The following ARHGEF33 variants were observed in gnomAD, a reference collection of about 807,000 sequenced individuals.
ARHGEF33 encodes Rho guanine nucleotide exchange factor 33.
Under a neutral mutation model 101.9 loss-of-function variants are expected in ARHGEF33, and 72 were observed. The observed-to-expected ratio is 0.71, with a 90% CI of 0.58 to 0.86. ARHGEF33 has a LOEUF of 0.86. Among genes scored for constraint, ARHGEF33 ranks in the 40% least tolerant of loss-of-function variants. The pLI is 0.00. For missense variants in ARHGEF33, 1,169 were observed against 1,111.3 expected, an observed-to-expected ratio of 1.05 and a Z score of -0.74; for synonymous variants, 499 against 442.5, an observed-to-expected ratio of 1.13 and a Z score of -1.60.
At chr2:38,930,273 A>T (rs1466894444) in intron 6 of ARHGEF33, among the ~76,000 whole-genome samples, 1 of 152,174 alleles carries the variant, frequency 6.6e-6, no homozygotes, top group Non-Finnish European at 1.5e-5. Flanking sequence ...ACTAGGTTGA[A>T]TCAAGTAAAG....
At chr2:38,958,560 A>G (rs1006858528) in intron 15 of ARHGEF33, among the ~76,000 whole-genome samples, 1 of 152,344 alleles carries the variant, frequency 6.6e-6, no homozygotes, top group Middle Eastern at 3.4e-3. Context: ...CGTATGGAAA[A>G]TAAAACCCCC....
chr2:38,949,676 G>A (rs1337675532), intron 10 of ARHGEF33, among the ~76,000 whole-genome samples: 3 of 152,182 alleles, frequency 2.0e-5, no homozygotes, highest in South Asian at 2.1e-4. Flanking sequence ...GTGTTAGGCC[G>A]TTCTCACATT....
At chr2:38,901,735 A>G (rs1666244387) in intron 2 of ARHGEF33, among the ~76,000 whole-genome samples, 2 of 152,206 alleles carry the variant, frequency 1.3e-5, no homozygotes, top group South Asian at 4.1e-4. Flanking sequence ...TCCCAAGGTC[A>G]ATCAGCTATT....
intron 14 of ARHGEF33, among the ~76,000 whole-genome samples, chr2:38,957,570 G>A (rs1374556419): frequency 6.6e-6 from 1 of 152,200 alleles, no homozygotes; most frequent in South Asian, 2.1e-4. Flanking sequence ...AAATAAGGGA[G>A]AGGAATTTCA....
intron 11 of ARHGEF33, among the ~76,000 whole-genome samples, chr2:38,952,687 AT>A (rs1253934384): frequency 1.3e-5 from 2 of 151,524 alleles, no homozygotes; most frequent in African/African-American, 2.4e-5. Flanking sequence ...TAAAACCAAA[AT>A]TTTTTTTAAG....
At position 38,912,168 on chromosome 2, in the gene ARHGEF33, G is replaced by A. The variant is rs144023483; in HGVS notation, c.-85-7195G>A. Among the ~76,000 whole-genome samples, 348 of 152,370 alleles carry A rather than the reference G, an allele frequency of 2.3e-3. 1 individual carries two copies. The highest frequency in any genetic ancestry group is 3.7e-3 in the Admixed American group (57 of 15,308). The stretch of plus-strand genomic sequence containing the variant: ...CCTGAATGGGTGTTTTTAGAGGTTA[G>A]CACTGCAACTGTAGAGACAGAAAGA... On this transcript the variant is annotated intron_variant, in intron 2 of 17. Coordinates refer to ENST00000409978, the MANE Select transcript of ARHGEF33 (RefSeq NM_001145451.5).
rs751091752 is a variant in ARHGEF33 at position 38,960,054 on chromosome 2, T to C, written c.1749T>C (p.Ser583=). 2.6e-6 allele frequency: 4 copies of C among 1,542,344 alleles called. No homozygotes were observed. In the African/African-American group the frequency reaches 5.5e-5, roughly 21 times the overall value. ...TCCCGGAGATGGACTTCGAGTCCTC[T>C]CCGGCGGAGCCGCTGGGCAACGTGG... ...QAIPEMDFES[S]PAEPLGNVER... The change falls in exon 16 of 18, where the codon TCT becomes TCC. Residue 583 remains serine, a synonymous_variant. Transcript: ENST00000409978.
At chr2:38,964,944 C>T (rs904865914) in intron 16 of ARHGEF33, among the ~76,000 whole-genome samples, 6 of 152,176 alleles carry the variant, frequency 3.9e-5, no homozygotes, top group Middle Eastern at 3.4e-3. Flanking sequence ...CTTTAAGAAA[C>T]ACTGCATGTC....
chr2:38,893,366 G>A (rs1243754577), intron 1 of ARHGEF33, among the ~76,000 whole-genome samples: 3 of 151,970 alleles, frequency 2.0e-5, no homozygotes, highest in Non-Finnish European at 2.9e-5. Context: ...CACTATGTTG[G>A]CCAGGCTGAT....
intron 4 of ARHGEF33, among the ~76,000 whole-genome samples, chr2:38,928,100 A>G (rs1479888930): frequency 1.3e-5 from 2 of 152,212 alleles, no homozygotes; most frequent in Non-Finnish European, 2.9e-5. Context: ...TATTATAGCT[A>G]TTTTATGGAT....
At chr2:38,902,686 T>G (rs1429501740) in intron 2 of ARHGEF33, among the ~76,000 whole-genome samples, 1 of 152,186 alleles carries the variant, frequency 6.6e-6, no homozygotes, top group East Asian at 1.9e-4. Context: ...CGGCACCTAT[T>G]TATTCAAGGC....
chr2:38,955,884 C>G (rs577582154), intron 13 of ARHGEF33, among the ~76,000 whole-genome samples: 1 of 152,026 alleles, frequency 6.6e-6, no homozygotes, highest in African/African-American at 2.4e-5. Context: ...ACCGTGTTAG[C>G]CAGGATGGTC....
rs116822706 is a variant in ARHGEF33, at chr2:38,929,680, G to A, written c.241-29G>A. 867 of 1,546,800 alleles carry A rather than the reference G, an allele frequency of 5.6e-4. 8 individuals are homozygous for A. In the African/African-American group the frequency reaches 0.01, roughly 18 times the overall value. On this transcript the variant is annotated intron_variant, in intron 5 of 17. Coordinates refer to ENST00000409978, the MANE Select transcript of ARHGEF33 (RefSeq NM_001145451.5). ...TATATACTTTTACCCCATGTACCACGTTAAAACATAGCAATTCTTATTTTT... is the reference window on the plus strand; with the variant it reads ...TATATACTTTTACCCCATGTACCACATTAAAACATAGCAATTCTTATTTTT...
chr2:38,967,409 G>A (rs1476958333), intron 17 of ARHGEF33, among the ~76,000 whole-genome samples: 2 of 152,190 alleles, frequency 1.3e-5, no homozygotes, highest in Non-Finnish European at 2.9e-5. Flanking sequence ...ATGCTGCTTT[G>A]CTGGATCCTC....
intron 4 of ARHGEF33, among the ~76,000 whole-genome samples, chr2:38,922,228 G>C (rs1370023860): frequency 6.6e-6 from 1 of 152,172 alleles, no homozygotes; most frequent in African/African-American, 2.4e-5. Flanking sequence ...AGGCAGTGCT[G>C]TCTGAAATAC....
intron 7 of ARHGEF33, among the ~76,000 whole-genome samples, chr2:38,932,358 T>C (rs1667026677): frequency 6.6e-6 from 1 of 152,182 alleles, no homozygotes; most frequent in Non-Finnish European, 1.5e-5. Flanking sequence ...AATTCCTGAT[T>C]TCAAGTGATC....
In ARHGEF33 at chr2:38,960,318, C is replaced by T; in HGVS notation, c.2013C>T (p.His671=). ...SFAMEAERPE[H]PLQPLPKSAT... Reference sequence around the variant, plus strand: ...CCATGGAGGCCGAGCGGCCGGAGCACCCGCTGCAGCCGCTGCCCAAGAGCG... The same window carrying T: ...CCATGGAGGCCGAGCGGCCGGAGCATCCGCTGCAGCCGCTGCCCAAGAGCG... The change falls in exon 16 of 18, where the codon CAC becomes CAT. Residue 671 remains histidine (H), a synonymous_variant. Coordinates refer to ENST00000409978, the MANE Select transcript of ARHGEF33 (RefSeq NM_001145451.5). 2 of 1,542,466 alleles carry T rather than the reference C, an allele frequency of 1.3e-6. No homozygotes were observed. The highest frequency in any genetic ancestry group is 1.8e-4 in the Middle Eastern group (1 of 5,616).
rs1022389621 is a variant in ARHGEF33, at chr2:38,960,560, C to T, written c.2255C>T (p.Ala752Val). 5 of 1,270,142 alleles carry T rather than the reference C, an allele frequency of 3.9e-6. No individual in the cohort carries two copies. Among genetic ancestry groups the T allele is most frequent in the Non-Finnish European group, 5.0e-6 (5 of 991,530 alleles). 78.7% of individuals were successfully genotyped at this position (1,270,142 alleles called of 1,614,324 possible). Residue 752 changes from alanine to valine, a missense_variant, in exon 16 of 18, where the codon GCC becomes GTC. By Grantham distance (64) the Ala-to-Val change is moderately conservative (BLOSUM62 0). Transcript: ENST00000409978. ...GCGCAGGCGCACGGCCCGGCCGCCGCCGCCGTCGCCGCCCGCGGCGCATCC... is the reference window on the plus strand; with the variant it reads ...GCGCAGGCGCACGGCCCGGCCGCCGTCGCCGTCGCCGCCCGCGGCGCATCC... ...RAAQAHGPAA[A>V]AVAARGASRT...
At chr2:38,953,093 T>C in intron 11 of ARHGEF33, 69 bp from the exon 12 acceptor site, 1 of 752,488 alleles carries the variant, frequency 1.3e-6, no homozygotes, top group Non-Finnish European at 2.4e-6. Context: ...TTTACATATA[T>C]GACTCTATAA....
Sources: gnomAD v4.1 joint callset for allele counts (sites outside exome capture counted in the v4.1 genomes callset) on GRCh38, gnomAD v4.1.1 for gene constraint, MANE v1.5 for transcripts, NCBI Gene and HGNC (gene_info 2026-07-23, HGNC 2026-07-21) for gene names.